Variants in GCNT2 observed in about 807,000 individuals in gnomAD.
GCNT2 encodes the protein N-acetyllactosaminide beta-1,6-N-acetylglucosaminyl-transferase.
A neutral mutation model predicts 34.2 loss-of-function variants in GCNT2; 34 were observed. The observed-to-expected ratio is 1.00, with a 90% CI of 0.76 to 1.32. The LOEUF is 1.32. Ranked by LOEUF, GCNT2 falls within the 40% of genes most tolerant of loss-of-function variation. The probability of loss-of-function intolerance (pLI) is 0.00; values close to 1 mark genes in which losing one functional copy is unlikely to be tolerated. For missense variants in GCNT2, 584 were observed against 489.4 expected (o/e 1.19, Z -1.82); for synonymous variants, 212 against 188.0 (o/e 1.13, Z -1.04).
Position 10,628,351 on chromosome 6 carries a change from CTG to C in GCNT2, c.*1747_*1748del, listed in dbSNP as rs1766352858. On this transcript the variant is annotated 3_prime_UTR_variant, in exon 5 of 5. Coordinates refer to ENST00000495262, the MANE Select transcript of GCNT2 (RefSeq NM_145649.5). Reference sequence around the variant, plus strand: ...ACACAATTTTATTTTTTTTCTGTAACTGTGCTTGTTGAATGTCAATCATATTT... The same window carrying C: ...ACACAATTTTATTTTTTTTCTGTAACTGCTTGTTGAATGTCAATCATATTT... The C allele has an allele frequency of 2.0e-5, 3 of 152,458 alleles. No homozygotes were observed. Among genetic ancestry groups the C allele is most frequent in the East Asian group, 3.9e-4 (2 of 5,182 alleles). The allele number at this position is 152,458 out of a possible 1,614,324, so 9.4% of individuals were successfully genotyped here.
At chr6:10,599,636 C>G (rs1193670593) in intron 3 of GCNT2, among the ~76,000 whole-genome samples, 1 of 152,244 alleles carries the variant, frequency 6.6e-6, no homozygotes, top group East Asian at 1.9e-4. Context: ...TCCCCTCTCT[C>G]CAAGAGTAGG....
At chr6:10,549,881 G>T (rs1413660833) in intron 3 of GCNT2, among the ~76,000 whole-genome samples, 1 of 152,112 alleles carries the variant, frequency 6.6e-6, no homozygotes, top group Admixed American at 6.6e-5. Flanking sequence ...GAGATGACTT[G>T]TAACCAAGGT....
At chr6:10,552,856 TC>T (rs1413072448) in intron 3 of GCNT2, among the ~76,000 whole-genome samples, 1 of 152,200 alleles carries the variant, frequency 6.6e-6, no homozygotes. Context: ...TTTGACTTCT[TC>T]AATGACAGAG....
chr6:10,579,842 A>C (rs1561814500), intron 3 of GCNT2, among the ~76,000 whole-genome samples: 3 of 136,266 alleles, frequency 2.2e-5, no homozygotes, highest in African/African-American at 1.0e-4. Flanking sequence ...AAAAAAAAAA[A>C]AAAAAACAAG....
chr6:10,578,986 G>C (rs149893712), intron 3 of GCNT2, among the ~76,000 whole-genome samples: 47 of 152,316 alleles, frequency 3.1e-4, no homozygotes, highest in African/African-American at 8.4e-4. Flanking sequence ...CTTATCTTCA[G>C]AATGGATGCT....
intron 3 of GCNT2, among the ~76,000 whole-genome samples, chr6:10,549,885 C>T (rs981478581): frequency 1.3e-5 from 2 of 151,942 alleles, no homozygotes; most frequent in Non-Finnish European, 2.9e-5. Context: ...TGACTTGTAA[C>T]CAAGGTTTCT....
chr6:10,617,439 T>G (rs1039200903), intron 3 of GCNT2, among the ~76,000 whole-genome samples: 4 of 152,174 alleles, frequency 2.6e-5, no homozygotes, highest in Admixed American at 1.3e-4. Context: ...GGCTCTGGCC[T>G]TGGCCAGCCC....
chr6:10,579,313 A>G (rs568513546), intron 3 of GCNT2, among the ~76,000 whole-genome samples: 3 of 152,306 alleles, frequency 2.0e-5, no homozygotes, highest in African/African-American at 4.8e-5. Flanking sequence ...TTAAATAAAT[A>G]TATTTCAGAA....
intron 1 of GCNT2, chr6:10,521,666 T>TC (rs35143995): frequency 1.3e-5 from 2 of 151,932 alleles, no homozygotes; most frequent in Non-Finnish European, 2.9e-5. Flanking sequence ...TTTTTTTTTT[T>TC]CAAAGAATAG....
At chr6:10,593,051 G>C (rs35459905) in intron 3 of GCNT2, among the ~76,000 whole-genome samples, 16,731 of 152,208 alleles carry the variant, frequency 0.11, 1,096 homozygotes, top group Middle Eastern at 0.17. Flanking sequence ...TTAATTAGCT[G>C]TTAATTCCTA....
intron 2 of GCNT2, 38 bp downstream of exon 2, chr6:10,527,698 A>C (rs1026815846): frequency 6.6e-6 from 1 of 151,414 alleles, no homozygotes; most frequent in African/African-American, 2.4e-5. Context: ...AGTGTGGGGT[A>C]AGAGATACGT....
At chr6:10,576,840 G>A (rs777984019) in intron 3 of GCNT2, among the ~76,000 whole-genome samples, 1 of 152,168 alleles carries the variant, frequency 6.6e-6, no homozygotes, top group Non-Finnish European at 1.5e-5. Context: ...TTAGGAGGCC[G>A]AGGCTGGAGG....
chr6:10,538,275 G>T (rs1004830751), intron 3 of GCNT2, among the ~76,000 whole-genome samples: 1 of 151,258 alleles, frequency 6.6e-6, no homozygotes, highest in African/African-American at 2.4e-5. Context: ...AGGCATGGTG[G>T]TGCACGCCTG....
At chr6:10,613,512 T>A (rs1298344667) in intron 3 of GCNT2, among the ~76,000 whole-genome samples, 1 of 152,100 alleles carries the variant, frequency 6.6e-6, no homozygotes, top group Non-Finnish European at 1.5e-5. Flanking sequence ...GTGATAGTGA[T>A]CCTAACAGCA....
chr6:10,549,561 C>CTTT lies in GCNT2; in HGVS notation c.925+19726_925+19727insTTT, dbSNP rs1425642393. Among the ~76,000 whole-genome samples, 93 of 111,298 alleles carry CTTT rather than the reference C, an allele frequency of 8.4e-4. 1 individual carries two copies. Among genetic ancestry groups the CTTT allele is most frequent in the African/African-American group, 3.0e-3 (72 of 23,664 alleles). The allele number at this position is 111,298 out of a possible 152,430, so 73.0% of individuals were successfully genotyped here. A position where few individuals can be genotyped will look rare whatever the true frequency, so the allele number is the denominator to read the frequency against. On this transcript the variant is annotated intron_variant, in intron 3 of 4. Coordinates refer to ENST00000495262, the MANE Select transcript of GCNT2 (RefSeq NM_145649.5). ...ACTTCCTTTCTCTCTCAATCTCTCT[C>CTTT]TCTTTTTTTTTTTTTTTTTTTTTTT... is the stretch of plus-strand genomic sequence containing the variant.
intron 1 of GCNT2, among the ~76,000 whole-genome samples, chr6:10,524,078 C>G (rs1761068948): frequency 6.6e-6 from 1 of 151,514 alleles, no homozygotes; most frequent in African/African-American, 2.4e-5. Flanking sequence ...GAGCCCCTTA[C>G]AGCCTGCGAG....
chr6:10,542,364 T>C (rs1377445393), intron 3 of GCNT2, among the ~76,000 whole-genome samples: 2 of 152,178 alleles, frequency 1.3e-5, no homozygotes, highest in Non-Finnish European at 2.9e-5. Flanking sequence ...ATAATTTACA[T>C]AGGGTGAAAT....
chr6:10,587,606 T>A (rs1764414326), intron 3 of GCNT2, among the ~76,000 whole-genome samples: 1 of 152,212 alleles, frequency 6.6e-6, no homozygotes. Flanking sequence ...ACATTCCAAT[T>A]TGCAGCTTCT....
chr6:10,607,466 C>T (rs897536792), intron 3 of GCNT2, among the ~76,000 whole-genome samples: 5 of 152,124 alleles, frequency 3.3e-5, no homozygotes, highest in Non-Finnish European at 7.4e-5. Flanking sequence ...CACTGGAAAA[C>T]GCCCCCACGA....
Sources: gnomAD v4.1 joint callset for allele counts (sites outside exome capture counted in the v4.1 genomes callset) on GRCh38, gnomAD v4.1.1 for gene constraint, MANE v1.5 for transcripts, NCBI Gene and HGNC (gene_info 2026-07-23, HGNC 2026-07-21) for gene names.